PBX1: variants seen among roughly 807,000 people sequenced by gnomAD.
PBX1 encodes the protein PBX homeobox 1, also known as pre-B-cell leukemia transcription factor 1.
PBX1 carries 6 observed loss-of-function variants against 53.4 expected under a neutral mutation model. The observed-to-expected ratio is 0.11, with a 90% confidence interval of 0.06 to 0.22. The LOEUF (loss-of-function observed/expected upper bound fraction) is 0.22, where lower values mean the gene tolerates loss of function less well. PBX1 is among the 10% of genes least tolerant of loss of function. The pLI, the probability that PBX1 is intolerant of heterozygous loss-of-function variation, is 1.00. For synonymous variants in PBX1, 204 were observed against 212.3 expected, an observed-to-expected ratio of 0.96 and a Z score of 0.34; for missense variants, 251 against 551.4, an observed-to-expected ratio of 0.46 and a Z score of 5.46.
At chr1:164,730,771 A>G (rs1199483190) in intron 2 of PBX1, among the ~76,000 whole-genome samples, 1 of 152,230 alleles carries the variant, frequency 6.6e-6, no homozygotes, top group Non-Finnish European at 1.5e-5. Flanking sequence ...AAAAGAACTC[A>G]GTCAGCTCTG....
intron 2 of PBX1, among the ~76,000 whole-genome samples, chr1:164,691,079 A>G (rs1662451303): frequency 6.9e-6 from 1 of 144,374 alleles, no homozygotes; most frequent in East Asian, 2.0e-4. Context: ...CAGTGGTGCA[A>G]TCTCGGCTCA....
At chr1:164,664,669 C>T (rs969417735) in intron 2 of PBX1, among the ~76,000 whole-genome samples, 12 of 152,116 alleles carry the variant, frequency 7.9e-5, no homozygotes, top group Admixed American at 3.9e-4. Context: ...CGGACAAATT[C>T]CAAAGGAAAG....
In PBX1 at chr1:164,727,622, C is replaced by T. The variant is rs112290989; in HGVS notation, c.266-64872C>T. Reference sequence around the variant, plus strand: ...GAGTTGATTTGGGGCAAAAGGCAACCGTCCCCATGCACTAGAGATGAATCA... The same window carrying T: ...GAGTTGATTTGGGGCAAAAGGCAACTGTCCCCATGCACTAGAGATGAATCA... On this transcript the variant is annotated intron_variant, in intron 2 of 8. Transcript: ENST00000420696. Among the ~76,000 whole-genome samples the T allele has an allele frequency of 5.6e-4, 85 of 152,310 alleles. 1 individual carries two copies. Among genetic ancestry groups the T allele is most frequent in the African/African-American group, 1.9e-3 (81 of 41,556 alleles).
At chr1:164,714,533 T>C (rs1189764398) in intron 2 of PBX1, among the ~76,000 whole-genome samples, 1 of 151,886 alleles carries the variant, frequency 6.6e-6, no homozygotes, top group East Asian at 1.9e-4. Flanking sequence ...GAGATACCAA[T>C]TAGAAAGTCC....
chr1:164,660,861 C>T (rs1250206049), intron 2 of PBX1, among the ~76,000 whole-genome samples: 1 of 152,184 alleles, frequency 6.6e-6, no homozygotes, highest in Non-Finnish European at 1.5e-5. Flanking sequence ...ACTACTAATT[C>T]TCTTTCTAGG....
intron 2 of PBX1, among the ~76,000 whole-genome samples, chr1:164,877,027 A>G (rs536412961): frequency 1.1e-3 from 169 of 151,462 alleles, no homozygotes; most frequent in African/African-American, 4.0e-3. Context: ...TGTGCCAAAT[A>G]CTCCACTAAT....
At chr1:164,614,721 T>C (rs1657153093) in intron 2 of PBX1, among the ~76,000 whole-genome samples, 1 of 152,208 alleles carries the variant, frequency 6.6e-6, no homozygotes, top group South Asian at 2.1e-4. Flanking sequence ...AAACAGGTTT[T>C]CTAGGGCATG....
chr1:164,716,129 A>G (rs1371410959), intron 2 of PBX1, among the ~76,000 whole-genome samples: 1 of 152,222 alleles, frequency 6.6e-6, no homozygotes, highest in East Asian at 1.9e-4. Context: ...TGCCAGCAAG[A>G]TGTTTTCAGA....
intron 2 of PBX1, among the ~76,000 whole-genome samples, chr1:164,650,021 G>A (rs1249773907): frequency 6.6e-6 from 1 of 152,114 alleles, no homozygotes; most frequent in Admixed American, 6.5e-5. Flanking sequence ...AAGAGTTGAA[G>A]GTTTCTGGGA....
intron 8 of PBX1, among the ~76,000 whole-genome samples, chr1:164,823,130 A>G (rs1021387843): frequency 3.3e-5 from 5 of 152,332 alleles, no homozygotes; most frequent in Middle Eastern, 3.4e-3. Context: ...CCTGTTAAAC[A>G]TATTCTAGAC....
chr1:164,567,905 T>C (rs1182833562), intron 2 of PBX1, among the ~76,000 whole-genome samples: 1 of 152,134 alleles, frequency 6.6e-6, no homozygotes, highest in Non-Finnish European at 1.5e-5. Context: ...CGGGGAAACA[T>C]AGAACCTTGT....
intron 2 of PBX1, among the ~76,000 whole-genome samples, chr1:164,749,389 A>G (rs1332975072): frequency 2.6e-5 from 4 of 152,154 alleles, no homozygotes; most frequent in African/African-American, 9.7e-5. Flanking sequence ...TTACCCTACA[A>G]ATAGGTGAAA....
chr1:164,566,325 A>G (rs942251717), intron 2 of PBX1, among the ~76,000 whole-genome samples: 1 of 152,134 alleles, frequency 6.6e-6, no homozygotes, highest in Non-Finnish European at 1.5e-5. Flanking sequence ...ATTCTGATAC[A>G]TTTTCGCTTT....
intron 2 of PBX1, chr1:164,674,858 CCCCCA>C (rs1249107006): frequency 1.3e-3 from 97 of 74,004 alleles, no homozygotes; most frequent in African/African-American, 3.5e-3. Flanking sequence ...CCCCCCCCCC[CCCCCA>C]CCCACCACCA....
intron 2 of PBX1, chr1:164,700,805 G>A: frequency 1.1e-6 from 1 of 899,910 alleles, no homozygotes; most frequent in Middle Eastern, 5.7e-4. Context: ...CCATCTTTGT[G>A]TTTTGGTGGT....
chr1:164,563,043 C>T (rs1653175897), intron 1 of PBX1, 195 bp from the exon 2 acceptor site: 1 of 394,934 alleles, frequency 2.5e-6, no homozygotes, highest in African/African-American at 2.1e-5. Context: ...CCTACCCTCT[C>T]CCTGCTAATT....
chr1:164,606,778 T>C (rs955073184), intron 2 of PBX1, among the ~76,000 whole-genome samples: 1 of 152,240 alleles, frequency 6.6e-6, no homozygotes, highest in Admixed American at 6.5e-5. Context: ...GTTCATTCTT[T>C]GTGCATGGAA....
At chr1:164,810,877 A>G (rs1669574454) in intron 5 of PBX1, among the ~76,000 whole-genome samples, 1 of 152,152 alleles carries the variant, frequency 6.6e-6, no homozygotes, top group Non-Finnish European at 1.5e-5. Context: ...TAAAAAAGAA[A>G]GGCTTGGCAT....
chr1:164,579,776 G>A (rs1349450840), intron 2 of PBX1, among the ~76,000 whole-genome samples: 1 of 152,156 alleles, frequency 6.6e-6, no homozygotes, highest in Admixed American at 6.5e-5. Flanking sequence ...GTCGGCAGAA[G>A]TGATGTTTCA....
Sources: gnomAD v4.1 joint callset for allele counts (sites outside exome capture counted in the v4.1 genomes callset) on GRCh38, gnomAD v4.1.1 for gene constraint, MANE v1.5 for transcripts, NCBI Gene and HGNC (gene_info 2026-07-23, HGNC 2026-07-21) for gene names.